ITFG1: variants seen among roughly 807,000 people sequenced by gnomAD.
The protein encoded by ITFG1 is T-cell immunomodulatory protein.
A neutral mutation model predicts 81.8 loss-of-function variants in ITFG1; 34 were observed. The observed-to-expected ratio is 0.42, with a 90% CI of 0.32 to 0.55. The LOEUF is 0.55. Among genes scored for constraint, ITFG1 ranks in the 20% least tolerant of loss-of-function variants. The pLI, the probability that ITFG1 is intolerant of heterozygous loss-of-function variation, is 0.17. For synonymous variants in ITFG1, 285 were observed against 270.6 expected (o/e 1.05, Z -0.52); for missense variants, 672 against 755.4 (o/e 0.89, Z 1.29).
chr16:47,264,452 G>A (rs1351765470), intron 10 of ITFG1, among the ~76,000 whole-genome samples: 1 of 151,212 alleles, frequency 6.6e-6, no homozygotes, highest in Non-Finnish European at 1.5e-5. Context: ...ACAGTCTCAT[G>A]TTTTTCCAAT....
intron 5 of ITFG1, among the ~76,000 whole-genome samples, chr16:47,441,235 A>AATTCTACCAG (rs1402355184): frequency 1.3e-5 from 2 of 152,218 alleles, no homozygotes; most frequent in Admixed American, 6.5e-5. Context: ...TTCACAGCCA[A>AATTCTACCAG]ATTCTACCAG....
chr16:47,323,989 T>C lies in ITFG1; in HGVS notation c.803-10166A>G, dbSNP rs1967490275. ...AAGTATTAAATGTGCTATGAAATTA[T>C]AATCATTTTAGCTTTTCTTACCAAA... On this transcript the variant is annotated intron_variant, in intron 8 of 17. Coordinates refer to ENST00000320640, the MANE Select transcript of ITFG1 (RefSeq NM_030790.5). Among the ~76,000 whole-genome samples the C allele has an allele frequency of 2.6e-5, 4 of 152,350 alleles. No homozygotes were observed. The South Asian group carries it at 6.2e-4, about 24-fold the overall frequency.
chr16:47,319,234 T>G (rs1396451206), intron 8 of ITFG1, among the ~76,000 whole-genome samples: 1 of 152,202 alleles, frequency 6.6e-6, no homozygotes, highest in Non-Finnish European at 1.5e-5. Context: ...ACAAAAGTCT[T>G]TAGATGTTGG....
At chr16:47,457,421 A>G (rs1050120300) in intron 2 of ITFG1, among the ~76,000 whole-genome samples, 2 of 152,218 alleles carry the variant, frequency 1.3e-5, no homozygotes, top group Non-Finnish European at 2.9e-5. Flanking sequence ...TTAACAAAAA[A>G]TTATGATTTA....
chr16:47,270,149 G>C (rs1329987014), intron 10 of ITFG1, among the ~76,000 whole-genome samples: 1 of 152,088 alleles, frequency 6.6e-6, no homozygotes, highest in East Asian at 1.9e-4. Flanking sequence ...ATTGTGTTAG[G>C]TAATGATTTC....
intron 14 of ITFG1, chr16:47,218,117 C>G (rs994657265): frequency 2.6e-5 from 4 of 152,110 alleles, no homozygotes; most frequent in Non-Finnish European, 5.9e-5. Flanking sequence ...CATAACATGG[C>G]AATGTCCATA....
At chr16:47,321,490 A>G (rs547356571) in intron 8 of ITFG1, among the ~76,000 whole-genome samples, 106 of 152,334 alleles carry the variant, frequency 7.0e-4, no homozygotes, top group African/African-American at 2.2e-3. Context: ...ATATAACTTT[A>G]TATTTTTCAG....
At chr16:47,159,346 C>T (rs954437382) in intron 16 of ITFG1, among the ~76,000 whole-genome samples, 1 of 152,078 alleles carries the variant, frequency 6.6e-6, no homozygotes, top group African/African-American at 2.4e-5. Context: ...TCTTGATTTA[C>T]CTGCTTAATT....
At chr16:47,408,382 C>T (rs1005243911) in intron 6 of ITFG1, among the ~76,000 whole-genome samples, 2 of 152,200 alleles carry the variant, frequency 1.3e-5, no homozygotes, top group African/African-American at 4.8e-5. Context: ...AGCAGGCATT[C>T]TGAGTGTGAG....
chr16:47,213,457 T>C (rs1356020540), intron 14 of ITFG1, among the ~76,000 whole-genome samples: 1 of 152,188 alleles, frequency 6.6e-6, no homozygotes. Context: ...TCTGTATCCT[T>C]GCTGATTTTC....
At chr16:47,255,051 C>T (rs868658667) in intron 12 of ITFG1, among the ~76,000 whole-genome samples, 1 of 152,162 alleles carries the variant, frequency 6.6e-6, no homozygotes, top group Non-Finnish European at 1.5e-5. Context: ...CGCGCCACTG[C>T]ACTCCAGTCT....
intron 12 of ITFG1, 43 bp downstream of exon 12, chr16:47,258,589 G>C (rs745654251): frequency 1.1e-6 from 1 of 883,668 alleles, no homozygotes; most frequent in Non-Finnish European, 1.9e-6. Flanking sequence ...TGGAGAGAGG[G>C]GAAGAGAAAG....
rs554234354 is a variant in ITFG1 at position 47,426,525 on chromosome 16, C to T, written c.655+2279G>A. ...TGAGGTTTTCATGTGATTTGGCATACCAGATAAACCACACTAAAAATAATA... is the reference window on the plus strand; with the variant it reads ...TGAGGTTTTCATGTGATTTGGCATATCAGATAAACCACACTAAAAATAATA... On this transcript the variant is annotated intron_variant, in intron 6 of 17. Coordinates refer to ENST00000320640, the MANE Select transcript of ITFG1 (RefSeq NM_030790.5). 2.0e-3 allele frequency among the ~76,000 whole-genome samples: 290 copies of T among 147,696 alleles called. 5 individuals carry two copies. The highest frequency in any genetic ancestry group is 3.1e-3 in the Non-Finnish European group (209 of 67,202).
chr16:47,361,684 C>T (rs958522647), intron 8 of ITFG1, among the ~76,000 whole-genome samples: 4 of 152,142 alleles, frequency 2.6e-5, no homozygotes, highest in African/African-American at 9.7e-5. Flanking sequence ...TGGGTAATTT[C>T]TATGACTAAG....
At position 47,211,209 on chromosome 16, in the gene ITFG1, C is replaced by T. The variant is rs117447439; in HGVS notation, c.1453+7659G>A. Among the ~76,000 whole-genome samples the T allele has an allele frequency of 3.3e-3, 500 of 152,216 alleles. 4 individuals carry two copies. The highest frequency in any genetic ancestry group is 5.1e-3 in the Non-Finnish European group (344 of 68,002). Reference sequence around the variant, plus strand: ...CGACTGATTTCTCTCACTGGCATTGCGTAGTTTTCAACATATAAGTCCTCT... The same window carrying T: ...CGACTGATTTCTCTCACTGGCATTGTGTAGTTTTCAACATATAAGTCCTCT... On this transcript the variant is annotated intron_variant, in intron 14 of 17. Coordinates refer to ENST00000320640, the MANE Select transcript of ITFG1 (RefSeq NM_030790.5).
At chr16:47,231,236 C>T (rs2151531779) in intron 13 of ITFG1, among the ~76,000 whole-genome samples, 1 of 152,306 alleles carries the variant, frequency 6.6e-6, no homozygotes, top group East Asian at 1.9e-4. Context: ...ACTTATCTGC[C>T]TGCTTCTAGA....
intron 5 of ITFG1, among the ~76,000 whole-genome samples, chr16:47,437,969 G>A (rs896004179): frequency 6.6e-6 from 1 of 152,284 alleles, no homozygotes; most frequent in Non-Finnish European, 1.5e-5. Flanking sequence ...CTGGAAAAAC[G>A]GGTCACTCCC....
At chr16:47,280,150 G>A (rs1407034359) in intron 10 of ITFG1, among the ~76,000 whole-genome samples, 2 of 152,036 alleles carry the variant, frequency 1.3e-5, no homozygotes, top group Admixed American at 1.3e-4. Context: ...CCAGTACTAG[G>A]TTCAATGGGA....
chr16:47,325,102 A>C (rs1967513955), intron 8 of ITFG1, among the ~76,000 whole-genome samples: 1 of 152,220 alleles, frequency 6.6e-6, no homozygotes, highest in South Asian at 2.1e-4. Context: ...TCCTCAGCAA[A>C]TGTAGAAGAA....
Sources: allele counts gnomAD v4.1 joint callset (sites outside exome capture counted in the v4.1 genomes callset), GRCh38; gene constraint gnomAD v4.1.1; transcripts MANE v1.5; gene names NCBI Gene and HGNC (gene_info 2026-07-23, HGNC 2026-07-21).